MACROD2: variants seen among roughly 807,000 people sequenced by gnomAD.
The protein encoded by MACROD2 is ADP-ribose glycohydrolase MACROD2.
A neutral mutation model predicts 70.4 loss-of-function variants in MACROD2; 36 were observed. That is an observed-to-expected ratio of 0.51 (90% CI 0.39 to 0.68). The LOEUF (loss-of-function observed/expected upper bound fraction) is 0.68, where lower values mean the gene tolerates loss of function less well. Among genes scored for constraint, MACROD2 ranks in the 30% least tolerant of loss-of-function variants. The probability of loss-of-function intolerance (pLI) is 0.00; values close to 1 mark genes in which losing one functional copy is unlikely to be tolerated. For missense variants in MACROD2, 496 were observed against 538.4 expected (o/e 0.92, Z 0.78); for synonymous variants, 172 against 178.8 (o/e 0.96, Z 0.30).
intron 3 of MACROD2, among the ~76,000 whole-genome samples, chr20:14,362,671 A>G (rs1601528899): frequency 6.6e-6 from 1 of 152,160 alleles, no homozygotes; most frequent in Non-Finnish European, 1.5e-5. Flanking sequence ...GGGCTAGAGG[A>G]AAAAATAACA....
intron 10 of MACROD2, among the ~76,000 whole-genome samples, chr20:15,895,123 G>A (rs1304829697): frequency 1.3e-5 from 2 of 152,196 alleles, no homozygotes; most frequent in African/African-American, 4.8e-5. Flanking sequence ...AGCTGTAGCA[G>A]TTCTTCCGCC....
intron 3 of MACROD2, among the ~76,000 whole-genome samples, chr20:14,467,916 G>A: frequency 6.6e-6 from 1 of 152,094 alleles, no homozygotes; most frequent in South Asian, 2.1e-4. Context: ...GTAGGTGTGT[G>A]GTTTTTAATG....
intron 6 of MACROD2, among the ~76,000 whole-genome samples, chr20:15,268,280 G>A (rs1225636759): frequency 2.6e-5 from 4 of 152,202 alleles, no homozygotes; most frequent in Admixed American, 6.5e-5. Context: ...GAAGTTGACT[G>A]TTGAGACTTA....
chr20:15,962,654 C>A (rs993442114), intron 12 of MACROD2, among the ~76,000 whole-genome samples: 1 of 152,198 alleles, frequency 6.6e-6, no homozygotes, highest in Non-Finnish European at 1.5e-5. Context: ...AATCCAAAAT[C>A]TGAAGCCCTT....
intron 5 of MACROD2, among the ~76,000 whole-genome samples, chr20:14,842,997 A>G (rs1418983036): frequency 1.3e-5 from 2 of 151,938 alleles, no homozygotes; most frequent in Non-Finnish European, 2.9e-5. Flanking sequence ...CTCCATTTAT[A>G]CCATAAACAA....
intron 7 of MACROD2, among the ~76,000 whole-genome samples, chr20:15,459,591 GC>G (rs2046780445): frequency 6.6e-6 from 1 of 152,058 alleles, no homozygotes; most frequent in Non-Finnish European, 1.5e-5. Context: ...AATTACGGCT[GC>G]CTGCTAAGTT....
At chr20:14,649,529 A>G (rs1568719443) in intron 4 of MACROD2, among the ~76,000 whole-genome samples, 1 of 152,142 alleles carries the variant, frequency 6.6e-6, no homozygotes, top group African/African-American at 2.4e-5. Context: ...ATTGGCTGCA[A>G]AGGGGATCCA....
At chr20:14,787,538 T>G (rs1233406846) in intron 5 of MACROD2, among the ~76,000 whole-genome samples, 2 of 152,118 alleles carry the variant, frequency 1.3e-5, no homozygotes, top group Non-Finnish European at 2.9e-5. Flanking sequence ...ATCTGTTCCA[T>G]GATCTCACCT....
intron 5 of MACROD2, among the ~76,000 whole-genome samples, chr20:15,188,441 T>A (rs143049750): frequency 5.8e-4 from 89 of 152,350 alleles, no homozygotes; most frequent in South Asian, 1.7e-3. Flanking sequence ...TAGCCGATTC[T>A]AATCAGGTTC....
At chr20:14,340,165 C>T (rs1303567886) in intron 3 of MACROD2, among the ~76,000 whole-genome samples, 1 of 152,036 alleles carries the variant, frequency 6.6e-6, no homozygotes, top group Non-Finnish European at 1.5e-5. Flanking sequence ...ACCCTTTTGG[C>T]TGTAATAGGA....
In MACROD2 at chr20:14,111,466, A is replaced by C. The variant is rs144770023; in HGVS notation, c.271+25738A>C. Among the ~76,000 whole-genome samples, 840 of 152,226 alleles carry C rather than the reference A, an allele frequency of 5.5e-3. 8 individuals are homozygous for C. The highest frequency in any genetic ancestry group is 0.037 in the Middle Eastern group (11 of 294). On this transcript the variant is annotated intron_variant, in intron 3 of 17. Transcript: ENST00000684519. Reference sequence around the variant, plus strand: ...ATATTTGCAAACTACCCATCTGACAAGGAATTAATAACCAGAATATGTAAG... The same window carrying C: ...ATATTTGCAAACTACCCATCTGACACGGAATTAATAACCAGAATATGTAAG...
intron 5 of MACROD2, among the ~76,000 whole-genome samples, chr20:14,807,713 G>T (rs1402286052): frequency 6.6e-6 from 1 of 152,104 alleles, no homozygotes; most frequent in Non-Finnish European, 1.5e-5. Flanking sequence ...TAGAGGAACG[G>T]CTAAGTAGAA....
intron 12 of MACROD2, 120 bp downstream of exon 12, chr20:15,937,664 G>T: frequency 1.2e-6 from 1 of 825,244 alleles, no homozygotes; most frequent in Non-Finnish European, 2.0e-6. Flanking sequence ...AAGTGTCTCT[G>T]TTTCCAATAT....
intron 8 of MACROD2, among the ~76,000 whole-genome samples, chr20:15,511,929 A>G (rs1037682309): frequency 2.0e-5 from 3 of 152,226 alleles, no homozygotes; most frequent in Non-Finnish European, 4.4e-5. Flanking sequence ...AGTGGCCTAT[A>G]TTTTGAAAAT....
At chr20:14,855,227 G>A (rs2073241506) in intron 5 of MACROD2, among the ~76,000 whole-genome samples, 1 of 152,098 alleles carries the variant, frequency 6.6e-6, no homozygotes. Flanking sequence ...CCGATGAACT[G>A]CAAGATTTTA....
intron 8 of MACROD2, among the ~76,000 whole-genome samples, chr20:15,592,369 G>A (rs1331767066): frequency 6.6e-6 from 1 of 152,230 alleles, no homozygotes; most frequent in Non-Finnish European, 1.5e-5. Flanking sequence ...TAAGAGAAGA[G>A]CATTGAGAAG....
At chr20:15,380,905 T>C (rs2045634074) in intron 6 of MACROD2, among the ~76,000 whole-genome samples, 1 of 152,124 alleles carries the variant, frequency 6.6e-6, no homozygotes, top group Non-Finnish European at 1.5e-5. Context: ...CTCAGTCACA[T>C]CACTGAGAAC....
chr20:15,697,922 C>CCTTTA (rs2050399208), intron 8 of MACROD2, among the ~76,000 whole-genome samples: 1 of 152,160 alleles, frequency 6.6e-6, no homozygotes. Flanking sequence ...TGTTTCCACC[C>CCTTTA]CTTTACTTTA....
intron 3 of MACROD2, among the ~76,000 whole-genome samples, chr20:14,446,982 A>T (rs2084189709): frequency 6.6e-6 from 1 of 152,084 alleles, no homozygotes; most frequent in South Asian, 2.1e-4. Context: ...CAGATACTGA[A>T]ATGACTTAGA....
Sources: allele counts gnomAD v4.1 joint callset (sites outside exome capture counted in the v4.1 genomes callset), GRCh38; gene constraint gnomAD v4.1.1; transcripts MANE v1.5; gene names NCBI Gene and HGNC (gene_info 2026-07-23, HGNC 2026-07-21).